The following SGCZ variants were observed in gnomAD, a reference collection of about 807,000 sequenced individuals.
SGCZ encodes sarcoglycan zeta.
SGCZ carries 40 observed loss-of-function variants against 41.3 expected under a neutral mutation model. The observed-to-expected ratio is 0.97, with a 90% CI of 0.75 to 1.26. SGCZ has a LOEUF of 1.26. SGCZ is among the 50% of genes most tolerant of loss of function. The pLI, the probability that SGCZ is intolerant of heterozygous loss-of-function variation, is 0.00. For synonymous variants in SGCZ, 206 were observed against 137.5 expected, an observed-to-expected ratio of 1.50 and a Z score of -3.49; for missense variants, 552 against 369.8, an observed-to-expected ratio of 1.49 and a Z score of -4.04.
chr8:14,261,794 G>T (rs969921193), intron 3 of SGCZ, among the ~76,000 whole-genome samples: 3 of 152,068 alleles, frequency 2.0e-5, no homozygotes, highest in Admixed American at 1.3e-4. Flanking sequence ...TTTCATTAGG[G>T]TATGGACTAA....
At chr8:14,145,627 C>A (rs760079375) in intron 5 of SGCZ, among the ~76,000 whole-genome samples, 1 of 152,074 alleles carries the variant, frequency 6.6e-6, no homozygotes, top group Non-Finnish European at 1.5e-5. Flanking sequence ...AACGGTCACA[C>A]GTAACAGAGA....
intron 2 of SGCZ, among the ~76,000 whole-genome samples, chr8:14,447,162 T>G (rs1800456462): frequency 6.6e-6 from 1 of 152,204 alleles, no homozygotes; most frequent in Non-Finnish European, 1.5e-5. Flanking sequence ...ACTAAGCTTA[T>G]GTTCACTCAA....
intron 2 of SGCZ, among the ~76,000 whole-genome samples, chr8:14,495,156 A>C (rs1801954006): frequency 6.6e-6 from 1 of 152,188 alleles, no homozygotes; most frequent in Non-Finnish European, 1.5e-5. Context: ...ATCAAAAAGA[A>C]GATAAAGAGG....
intron 5 of SGCZ, among the ~76,000 whole-genome samples, chr8:14,153,914 C>A (rs776651239): frequency 2.6e-4 from 30 of 114,752 alleles, no homozygotes; most frequent in African/African-American, 1.2e-3. Context: ...CTCTCTCTCT[C>A]TCTCTCTCTC....
intron 1 of SGCZ, among the ~76,000 whole-genome samples, chr8:15,160,110 C>G (rs931519954): frequency 6.6e-6 from 1 of 152,032 alleles, no homozygotes; most frequent in Non-Finnish European, 1.5e-5. Flanking sequence ...TGTTGTATAA[C>G]CAGTCTCCAA....
intron 2 of SGCZ, among the ~76,000 whole-genome samples, chr8:14,449,498 T>C (rs1476069115): frequency 2.6e-5 from 4 of 152,122 alleles, no homozygotes; most frequent in East Asian, 1.9e-4. Context: ...AATGACATAA[T>C]CATGTTCCAA....
At chr8:14,544,485 G>A (rs1354620799) in intron 2 of SGCZ, among the ~76,000 whole-genome samples, 1 of 152,092 alleles carries the variant, frequency 6.6e-6, no homozygotes, top group Non-Finnish European at 1.5e-5. Flanking sequence ...AAACGGACGT[G>A]CAAGTAGGAG....
At chr8:15,229,538 C>A (rs1286003290) in intron 1 of SGCZ, among the ~76,000 whole-genome samples, 1 of 152,192 alleles carries the variant, frequency 6.6e-6, no homozygotes, top group African/African-American at 2.4e-5. Context: ...AGGAGTACAA[C>A]TAATTCTAGT....
chr8:14,443,882 G>A (rs950278933), intron 2 of SGCZ, among the ~76,000 whole-genome samples: 48 of 152,102 alleles, frequency 3.2e-4, no homozygotes, highest in South Asian at 6.2e-4. Context: ...GCAACCTACA[G>A]AATGGGAGAA....
chr8:14,887,785 G>T (rs115934165), intron 1 of SGCZ, among the ~76,000 whole-genome samples: 1 of 151,978 alleles, frequency 6.6e-6, no homozygotes, highest in Non-Finnish European at 1.5e-5. Context: ...AAATAGACAC[G>T]CAATATTTGT....
At chr8:14,427,041 T>TGAATGAATGAATGAGTGAATGAAG (rs1563321931) in intron 2 of SGCZ, among the ~76,000 whole-genome samples, 3 of 140,230 alleles carry the variant, frequency 2.1e-5, no homozygotes, top group African/African-American at 7.6e-5. Context: ...AATGAATGAA[T>TGAATGAATGAATGAGTGAATGAAG]GAATGAATGA....
At chr8:14,493,934 G>A (rs956456879) in intron 2 of SGCZ, among the ~76,000 whole-genome samples, 6 of 151,908 alleles carry the variant, frequency 3.9e-5, no homozygotes, top group Admixed American at 2.0e-4. Flanking sequence ...TACTAATTCA[G>A]TACAAGTACT....
intron 1 of SGCZ, among the ~76,000 whole-genome samples, chr8:14,642,829 G>A (rs1807072620): frequency 2.0e-5 from 3 of 151,400 alleles, no homozygotes; most frequent in African/African-American, 7.3e-5. Context: ...AACACAGCAT[G>A]ATTTCTCAAT....
chr8:14,760,363 G>A (rs1031048), intron 1 of SGCZ, among the ~76,000 whole-genome samples: 89,420 of 151,954 alleles, frequency 0.59, 26,442 homozygotes, highest in East Asian at 0.71. Flanking sequence ...CATTTGATGA[G>A]GACTTGTGGG....
intron 1 of SGCZ, among the ~76,000 whole-genome samples, chr8:14,908,743 CAAAA>C (rs58817872): frequency 5.0e-4 from 46 of 91,112 alleles, no homozygotes; most frequent in African/African-American, 1.7e-3. Context: ...GTCACCGTTG[CAAAA>C]AAAAAAAAAA....
chr8:14,769,404 A>C (rs1800155077), intron 1 of SGCZ, among the ~76,000 whole-genome samples: 1 of 152,228 alleles, frequency 6.6e-6, no homozygotes, highest in Non-Finnish European at 1.5e-5. Flanking sequence ...CTTTTTTTAA[A>C]AAAGTTCAAA....
At chr8:14,456,306 G>A (rs960689220) in intron 2 of SGCZ, among the ~76,000 whole-genome samples, 13 of 152,146 alleles carry the variant, frequency 8.5e-5, no homozygotes, top group African/African-American at 1.2e-4. Context: ...TACTTGGGGG[G>A]CTGAGGCGGG....
At chr8:14,439,745 G>T (rs577413242) in intron 2 of SGCZ, among the ~76,000 whole-genome samples, 20 of 151,794 alleles carry the variant, frequency 1.3e-4, no homozygotes, top group Non-Finnish European at 2.4e-4. Context: ...ATAACTCTTA[G>T]GAAACAGAAA....
intron 1 of SGCZ, among the ~76,000 whole-genome samples, chr8:14,927,232 C>T (rs1349317068): frequency 6.6e-6 from 1 of 151,402 alleles, no homozygotes; most frequent in East Asian, 2.0e-4. Flanking sequence ...CCTCACCCTC[C>T]GGAGCAGCTG....
Sources: allele counts gnomAD v4.1 joint callset (sites outside exome capture counted in the v4.1 genomes callset), GRCh38; gene constraint gnomAD v4.1.1; transcripts MANE v1.5; gene names NCBI Gene and HGNC (gene_info 2026-07-23, HGNC 2026-07-21).